The following UBE2L3 variants were observed in gnomAD, a reference collection of about 807,000 sequenced individuals.
UBE2L3 encodes ubiquitin-conjugating enzyme E2 L3.
A neutral mutation model predicts 17.8 loss-of-function variants in UBE2L3; 1 was observed. The ratio of observed to expected loss-of-function variants is 0.06; its 90% CI spans 0.02 to 0.27. The LOEUF (loss-of-function observed/expected upper bound fraction) is 0.27. UBE2L3 is among the 10% of genes least tolerant of loss of function. The probability of loss-of-function intolerance (pLI) is 1.00; values close to 1 mark genes in which losing one functional copy is unlikely to be tolerated. For missense variants in UBE2L3, 40 were observed against 192.6 expected, an observed-to-expected ratio of 0.21 and a Z score of 4.69; for synonymous variants, 44 against 68.5, an observed-to-expected ratio of 0.64 and a Z score of 1.76.
In UBE2L3 at chr22:21,608,741, ATTTTT is replaced by A. The variant is rs779049247; in HGVS notation, c.124-2099_124-2095del. Among the ~76,000 whole-genome samples, 8 of 109,860 alleles carry A rather than the reference ATTTTT, an allele frequency of 7.3e-5. No individual in the cohort carries two copies. The East Asian group carries it at 8.3e-4, about 11-fold the overall frequency. The allele number at this position is 109,860 out of a possible 152,430, so 72.1% of individuals were successfully genotyped here. On this transcript the variant is annotated intron_variant, in intron 2 of 3. Transcript: ENST00000342192. ...AGCCTGGCCCAGGCTAATATATTTA[ATTTTT>A]TTTTTTTTTTTTTTTTGTAGAGATG...
chr22:21,597,964 AT>A (rs35036050), intron 2 of UBE2L3, among the ~76,000 whole-genome samples: 3,755 of 115,742 alleles, frequency 0.032, 80 homozygotes, highest in African/African-American at 0.075. Flanking sequence ...TAATTTTTGT[AT>A]TTTTTTTTTT....
chr22:21,605,562 A>G (rs1413142258), intron 2 of UBE2L3, among the ~76,000 whole-genome samples: 7 of 151,536 alleles, frequency 4.6e-5, no homozygotes, highest in Admixed American at 3.3e-4. Flanking sequence ...CTGGAGTGCA[A>G]TGGCACAATC....
chr22:21,603,631 CAGG>C (rs1487617286), intron 2 of UBE2L3, among the ~76,000 whole-genome samples: 4 of 148,906 alleles, frequency 2.7e-5, no homozygotes, highest in African/African-American at 7.4e-5. Flanking sequence ...ATCATGAGGT[CAGG>C]AGATCGAAAC....
chr22:21,583,392 T>C (rs1297526788), intron 1 of UBE2L3, among the ~76,000 whole-genome samples: 2 of 152,222 alleles, frequency 1.3e-5, no homozygotes, highest in Non-Finnish European at 2.9e-5. Flanking sequence ...TACTTTCCTT[T>C]AGGGATACTA....
At chr22:21,580,149 T>A in intron 1 of UBE2L3, among the ~76,000 whole-genome samples, 1 of 152,224 alleles carries the variant, frequency 6.6e-6, no homozygotes, top group East Asian at 1.9e-4. Flanking sequence ...TCTGTCCGTT[T>A]CTAATGGGAG....
intron 1 of UBE2L3, 40 bp from the exon 2 acceptor site, chr22:21,592,821 T>G: frequency 6.7e-7 from 1 of 1,490,092 alleles, no homozygotes; most frequent in Non-Finnish European, 9.4e-7. Context: ...TGTGGTGCTT[T>G]CCCCTATTTG....
chr22:21,567,799 G>C (rs750260326), intron 1 of UBE2L3, 28 bp downstream of exon 1: 2 of 1,570,434 alleles, frequency 1.3e-6, no homozygotes, highest in South Asian at 2.3e-5. Flanking sequence ...GCAGCGGCCG[G>C]GCGTGGGGCG....
intron 3 of UBE2L3, chr22:21,614,762 T>C (rs1191622957): frequency 1.1e-5 from 8 of 759,002 alleles, no homozygotes; most frequent in Admixed American, 2.7e-5. Flanking sequence ...TGAAAACATA[T>C]GCCCAATAAA....
chr22:21,563,167 A>C (rs1306923841), upstream of UBE2L3, among the ~76,000 whole-genome samples: 2 of 149,252 alleles, frequency 1.3e-5, 1 homozygote, highest in Non-Finnish European at 3.0e-5. Flanking sequence ...GCTCGAACCC[A>C]GGAGGCGGAG....
chr22:21,584,839 T>C (rs1395235600), intron 1 of UBE2L3, among the ~76,000 whole-genome samples: 1 of 152,060 alleles, frequency 6.6e-6, no homozygotes, highest in African/African-American at 2.4e-5. Context: ...TGCGTGCCTG[T>C]AGCCCCAGCT....
Position 21,623,660 on chromosome 22 carries a change from T to A in UBE2L3, c.*1991T>A, listed in dbSNP as rs1390851838. ...TGTGTGCCGGCAGCCCCTCAGGGACTCTCAGCCCTGGCACTGGCACCCCAG... is the reference window on the plus strand; with the variant it reads ...TGTGTGCCGGCAGCCCCTCAGGGACACTCAGCCCTGGCACTGGCACCCCAG... On this transcript the variant is annotated 3_prime_UTR_variant, in exon 4 of 4. Transcript: ENST00000342192. 2 of 152,888 alleles carry A rather than the reference T, an allele frequency of 1.3e-5. No homozygotes were observed. The highest frequency in any genetic ancestry group is 4.8e-5 in the African/African-American group (2 of 41,460). The allele number at this position is 152,888 out of a possible 1,614,324, so 9.5% of individuals were successfully genotyped here. A position where few individuals can be genotyped will look rare whatever the true frequency, so the allele number is the denominator to read the frequency against.
At chr22:21,612,825 C>T (rs922189316) in intron 3 of UBE2L3, among the ~76,000 whole-genome samples, 2 of 151,188 alleles carry the variant, frequency 1.3e-5, no homozygotes, top group Non-Finnish European at 2.9e-5. Context: ...GTAGTAGAGA[C>T]GGGGTTTCAC....
At chr22:21,602,287 TC>T (rs1302541554) in intron 2 of UBE2L3, among the ~76,000 whole-genome samples, 2 of 152,176 alleles carry the variant, frequency 1.3e-5, no homozygotes, top group East Asian at 3.9e-4. Context: ...CAAACTAGGA[TC>T]CAGCTCTTCA....
At chr22:21,561,971 C>T (rs1601384720) in intron 1 of UBE2L3, among the ~76,000 whole-genome samples, 1 of 152,114 alleles carries the variant, frequency 6.6e-6, no homozygotes, top group Admixed American at 6.6e-5. Context: ...TATAAGTGTC[C>T]AGTGCCCATT....
chr22:21,603,586 G>C (rs895317375), intron 2 of UBE2L3, among the ~76,000 whole-genome samples: 1 of 146,014 alleles, frequency 6.8e-6, no homozygotes, highest in African/African-American at 2.5e-5. Flanking sequence ...GCTCACGCCT[G>C]TAATCCCAGC....
In UBE2L3 at chr22:21,623,020, G is replaced by A. The variant is rs868550948; in HGVS notation, c.*1351G>A. 1.3e-4 allele frequency: 20 copies of A among 152,356 alleles called. No individual in the cohort carries two copies. The highest frequency in any genetic ancestry group is 4.8e-4 in the African/African-American group (20 of 41,520). The allele number at this position is 152,356 out of a possible 1,614,324, so 9.4% of individuals were successfully genotyped here. On this transcript the variant is annotated 3_prime_UTR_variant, in exon 4 of 4. Transcript: ENST00000342192. ...CCCGCACTAGTAGAGAATCCATGTC[G>A]CTCTGACACCCCAAGGAAGCCGACG... is the stretch of plus-strand genomic sequence containing the variant.
intron 2 of UBE2L3, among the ~76,000 whole-genome samples, chr22:21,607,610 C>T (rs937822267): frequency 3.3e-5 from 5 of 151,462 alleles, no homozygotes; most frequent in Admixed American, 6.6e-5. Context: ...CCATGGCAGA[C>T]CTGGGTGAGG....
intron 1 of UBE2L3, among the ~76,000 whole-genome samples, chr22:21,560,966 A>G (rs1430950737): frequency 1.3e-5 from 2 of 152,294 alleles, no homozygotes; most frequent in Admixed American, 6.5e-5. Context: ...CACTAAGCAC[A>G]GAGAATGGAG....
chr22:21,591,938 G>GC (rs1306601533), intron 1 of UBE2L3, among the ~76,000 whole-genome samples: 1 of 152,184 alleles, frequency 6.6e-6, no homozygotes, highest in East Asian at 1.9e-4. Context: ...TGGTGTTCTG[G>GC]CAGGAGGGCA....
Sources: allele counts gnomAD v4.1 joint callset (sites outside exome capture counted in the v4.1 genomes callset), GRCh38; gene constraint gnomAD v4.1.1; transcripts MANE v1.5; gene names NCBI Gene and HGNC (gene_info 2026-07-23, HGNC 2026-07-21).